The following TRIM24 variants were observed in gnomAD, a reference collection of about 807,000 sequenced individuals.
TRIM24 encodes tripartite motif containing 24, also known as transcription intermediary factor 1-alpha.
Under a neutral mutation model 123.9 loss-of-function variants are expected in TRIM24, and 29 were observed. The ratio of observed to expected loss-of-function variants is 0.23; its 90% CI spans 0.17 to 0.32. TRIM24 has a LOEUF of 0.32. Ranked by LOEUF, TRIM24 falls within the 10% of genes least tolerant of loss-of-function variation. The pLI, the probability that TRIM24 is intolerant of heterozygous loss-of-function variation, is 1.00. For synonymous variants in TRIM24, 456 were observed against 461.1 expected, an observed-to-expected ratio of 0.99 and a Z score of 0.14; for missense variants, 932 against 1,295.3, an observed-to-expected ratio of 0.72 and a Z score of 4.31.
rs557773155 is a variant in TRIM24 at position 138,555,594 on chromosome 7, C to T, written c.1530+628C>T. On this transcript the variant is annotated intron_variant, in intron 9 of 18. Coordinates refer to ENST00000343526, the MANE Select transcript of TRIM24 (RefSeq NM_015905.3). ...GCCTCCCGGGTTCAAGCGATTCTCC[C>T]ACCTCAGCCTCCCAAGTAGCTAGGA... Among the ~76,000 whole-genome samples, 9 of 151,628 alleles carry T rather than the reference C, an allele frequency of 5.9e-5. No homozygotes were observed. In the South Asian group the frequency reaches 8.4e-4, roughly 14 times the overall value.
intron 6 of TRIM24, among the ~76,000 whole-genome samples, chr7:138,538,288 A>G (rs1796935079): frequency 6.6e-6 from 1 of 152,230 alleles, no homozygotes; most frequent in African/African-American, 2.4e-5. Flanking sequence ...AAATTATGTG[A>G]TAGAGTTACT....
intron 1 of TRIM24, among the ~76,000 whole-genome samples, chr7:138,480,683 A>G (rs1277344952): frequency 1.3e-5 from 2 of 152,176 alleles, no homozygotes; most frequent in Non-Finnish European, 2.9e-5. Flanking sequence ...ATCATAGAGA[A>G]GGTGAACGCT....
At chr7:138,550,979 A>G (rs1797198740) in intron 7 of TRIM24, 84 bp from the exon 8 acceptor site, 1 of 1,057,720 alleles carries the variant, frequency 9.5e-7, no homozygotes, top group African/African-American at 1.6e-5. Context: ...ATTGATGTAC[A>G]TACCAGAGAC....
intron 1 of TRIM24, among the ~76,000 whole-genome samples, chr7:138,497,575 A>G (rs1464496721): frequency 6.7e-6 from 1 of 150,354 alleles, no homozygotes; most frequent in African/African-American, 2.5e-5. Flanking sequence ...TTGTATTTTT[A>G]GTAGAGACAG....
At chr7:138,476,219 C>CA (rs1161529309) in intron 1 of TRIM24, among the ~76,000 whole-genome samples, 1 of 152,164 alleles carries the variant, frequency 6.6e-6, no homozygotes, top group African/African-American at 2.4e-5. Flanking sequence ...TCATCTATTG[C>CA]ATATAAGAGA....
chr7:138,569,566 C>G (rs1322214534), intron 10 of TRIM24, among the ~76,000 whole-genome samples: 1 of 152,044 alleles, frequency 6.6e-6, no homozygotes, highest in Non-Finnish European at 1.5e-5. Context: ...AGAAAAAAAC[C>G]TGAAACGATC....
chr7:138,542,203 G>A (rs1230713118), intron 7 of TRIM24, among the ~76,000 whole-genome samples: 1 of 152,186 alleles, frequency 6.6e-6, no homozygotes, highest in Non-Finnish European at 1.5e-5. Context: ...ACTGGTGTGA[G>A]AGGCCTAGCT....
At chr7:138,584,288 A>G (rs901709605) in intron 18 of TRIM24, among the ~76,000 whole-genome samples, 2 of 152,242 alleles carry the variant, frequency 1.3e-5, no homozygotes, top group Admixed American at 1.3e-4. Flanking sequence ...TCTTATTTTT[A>G]TGTTGATCTT....
intron 6 of TRIM24, among the ~76,000 whole-genome samples, chr7:138,533,742 G>A (rs1326820969): frequency 6.6e-6 from 1 of 152,192 alleles, no homozygotes; most frequent in Non-Finnish European, 1.5e-5. Flanking sequence ...AATGAGTTAG[G>A]GAGGATTCCC....
At chr7:138,483,914 G>T (rs1387014642) in intron 1 of TRIM24, among the ~76,000 whole-genome samples, 1 of 152,090 alleles carries the variant, frequency 6.6e-6, no homozygotes, top group African/African-American at 2.4e-5. Flanking sequence ...AAGAGTATTT[G>T]GTTAAGGGAC....
rs1178156956 is a variant in TRIM24 at position 138,473,557 on chromosome 7, T to G, written c.364+12645T>G. Among the ~76,000 whole-genome samples, 4 of 152,242 alleles carry G rather than the reference T, an allele frequency of 2.6e-5. No individual in the cohort carries two copies. In the East Asian group the frequency reaches 5.8e-4, roughly 22 times the overall value. On this transcript the variant is annotated intron_variant, in intron 1 of 18. Coordinates refer to ENST00000343526, the MANE Select transcript of TRIM24 (RefSeq NM_015905.3). ...ACAAATAACCTTTTAGGAGATACTT[T>G]GGAGTCTGTGTGAATATTCTGTTCC...
At chr7:138,557,576 G>A (rs1289844299) in intron 9 of TRIM24, among the ~76,000 whole-genome samples, 1 of 152,112 alleles carries the variant, frequency 6.6e-6, no homozygotes, top group Non-Finnish European at 1.5e-5. Context: ...CCCCGAAGAG[G>A]GTATCTGGAG....
intron 6 of TRIM24, among the ~76,000 whole-genome samples, chr7:138,535,391 G>C (rs1171745082): frequency 6.6e-6 from 1 of 152,176 alleles, no homozygotes; most frequent in African/African-American, 2.4e-5. Flanking sequence ...TCCTTCAGGA[G>C]CTCTGGTATG....
chr7:138,529,067 ATAT>A (rs1554439591), intron 5 of TRIM24, 46 bp from the exon 6 acceptor site: 2 of 1,166,404 alleles, frequency 1.7e-6, no homozygotes, highest in African/African-American at 1.6e-5. Context: ...TCAATTTTAA[ATAT>A]TATACAAAAA....
intron 4 of TRIM24, among the ~76,000 whole-genome samples, chr7:138,521,360 T>C (rs1796500628): frequency 6.6e-6 from 1 of 152,146 alleles, no homozygotes; most frequent in Admixed American, 6.5e-5. Context: ...TGTTCTAAGG[T>C]CCATGCATAG....
chr7:138,513,007 C>T (rs1245301993), intron 2 of TRIM24, among the ~76,000 whole-genome samples: 3 of 152,176 alleles, frequency 2.0e-5, no homozygotes, highest in African/African-American at 7.2e-5. Context: ...AACACTGCTG[C>T]TTAGAAACCA....
At chr7:138,507,149 C>G (rs1796167217) in intron 2 of TRIM24, among the ~76,000 whole-genome samples, 1 of 152,010 alleles carries the variant, frequency 6.6e-6, no homozygotes, top group South Asian at 2.1e-4. Context: ...AAAGAGAGTT[C>G]ATAGCTGGAG....
intron 17 of TRIM24, 81 bp from the exon 18 acceptor site, chr7:138,583,769 T>G: frequency 9.7e-7 from 1 of 1,027,278 alleles, no homozygotes. Flanking sequence ...CATTCTGAAT[T>G]TTAGAGCACA....
At chr7:138,516,584 A>G (rs28864421) in intron 3 of TRIM24, among the ~76,000 whole-genome samples, 7 of 152,060 alleles carry the variant, frequency 4.6e-5, no homozygotes, top group African/African-American at 1.7e-4. Flanking sequence ...CGAACTCCTG[A>G]CCTCAAGTAA....
Sources: allele counts gnomAD v4.1 joint callset (sites outside exome capture counted in the v4.1 genomes callset), GRCh38; gene constraint gnomAD v4.1.1; transcripts MANE v1.5; gene names NCBI Gene and HGNC (gene_info 2026-07-23, HGNC 2026-07-21).